Variants in FAM177A1 observed in about 807,000 individuals in gnomAD.
The protein encoded by FAM177A1 is protein FAM177A1.
Under a neutral mutation model 26.1 loss-of-function variants are expected in FAM177A1, and 22 were observed. The ratio of observed to expected loss-of-function variants is 0.84; its 90% CI spans 0.60 to 1.20. FAM177A1 has a LOEUF of 1.20. Ranked by LOEUF, FAM177A1 falls within the 50% of genes most tolerant of loss-of-function variation. The pLI is 0.00. For synonymous variants in FAM177A1, 95 were observed against 99.3 expected (o/e 0.96, Z 0.26); for missense variants, 296 against 291.1 (o/e 1.02, Z -0.12).
At chr14:35,049,179 A>G (rs2044924309) in intron 1 of FAM177A1, among the ~76,000 whole-genome samples, 1 of 152,050 alleles carries the variant, frequency 6.6e-6, no homozygotes, top group African/African-American at 2.4e-5. Flanking sequence ...GGTGTGAGCC[A>G]CCGCACCCGG....
chr14:35,060,618 A>G lies in FAM177A1; in HGVS notation c.339+7167A>G, dbSNP rs561708372. 2.0e-4 allele frequency among the ~76,000 whole-genome samples: 30 copies of G among 152,068 alleles called. No homozygotes were observed. The South Asian group carries it at 3.7e-3, about 19-fold the overall frequency. On this transcript the variant is annotated intron_variant, in intron 2 of 4. Coordinates refer to ENST00000280987, the MANE Select transcript of FAM177A1 (RefSeq NM_173607.5). ...TCTTGTCATTGTTATTTGCCTGTTT[A>G]TTTGTTTAGTGACTGCTGTGTTCTT...
intron 1 of FAM177A1, chr14:35,050,161 C>T (rs76767804): frequency 0.18 from 27,006 of 151,848 alleles, 2,564 homozygotes; most frequent in East Asian, 0.37. Flanking sequence ...CACGCTCCAC[C>T]GCGCCTGGCT....
chr14:35,048,631 G>C (rs146651954), intron 1 of FAM177A1, among the ~76,000 whole-genome samples: 49 of 151,228 alleles, frequency 3.2e-4, no homozygotes, highest in African/African-American at 1.0e-3. Context: ...TCCATTTTCT[G>C]ATTTGCCCTT....
chr14:35,080,946 CAGT>C, intron 4 of FAM177A1, 73 bp from the exon 5 acceptor site: 7 of 1,237,754 alleles, frequency 5.7e-6, no homozygotes, highest in Non-Finnish European at 7.2e-6. Context: ...CATAAGCTGA[CAGT>C]GGGGAAAACA....
At chr14:35,047,464 A>G (rs1595033260) in intron 1 of FAM177A1, among the ~76,000 whole-genome samples, 2 of 152,324 alleles carry the variant, frequency 1.3e-5, no homozygotes, top group East Asian at 1.9e-4. Flanking sequence ...TTAGAGAGTT[A>G]ACGTTTCTTG....
At chr14:35,051,755 T>C (rs966781445) in intron 1 of FAM177A1, among the ~76,000 whole-genome samples, 3 of 152,296 alleles carry the variant, frequency 2.0e-5, no homozygotes, top group East Asian at 3.9e-4. Context: ...TCCTGGCTAA[T>C]GACTAAACTT....
At chr14:35,066,921 G>A (rs1224642639) in intron 2 of FAM177A1, among the ~76,000 whole-genome samples, 4 of 151,108 alleles carry the variant, frequency 2.6e-5, no homozygotes, top group Non-Finnish European at 1.5e-5. Context: ...AGCCTCCCTT[G>A]TAGCTGGGAT....
chr14:35,046,864 G>A, intron 1 of FAM177A1: 4 of 1,326,088 alleles, frequency 3.0e-6, no homozygotes, highest in Non-Finnish European at 3.9e-6. Context: ...GCGGCCTCGG[G>A]TTCCTGGGGT....
chr14:35,060,259 G>T (rs1470330135), intron 2 of FAM177A1, among the ~76,000 whole-genome samples: 2 of 152,204 alleles, frequency 1.3e-5, no homozygotes, highest in Non-Finnish European at 2.9e-5. Flanking sequence ...ACAGGCATGA[G>T]CCACTGCGCC....
rs563671349 is a variant in FAM177A1 at position 35,072,603 on chromosome 14, T to A, written c.340-4547T>A. ...TTTCCCACCATTTGCTTTAGTTTCATTGCCTGTATAGAAGGGTCCATGTTG... is the reference window on the plus strand; with the variant it reads ...TTTCCCACCATTTGCTTTAGTTTCAATGCCTGTATAGAAGGGTCCATGTTG... On this transcript the variant is annotated intron_variant, in intron 2 of 4. Coordinates refer to ENST00000280987, the MANE Select transcript of FAM177A1 (RefSeq NM_173607.5). 6.6e-5 allele frequency among the ~76,000 whole-genome samples: 10 copies of A among 152,314 alleles called. No homozygotes were observed. The East Asian group carries it at 1.7e-3, about 26-fold the overall frequency.
At chr14:35,054,486 T>C (rs940297803) in intron 2 of FAM177A1, among the ~76,000 whole-genome samples, 3 of 152,158 alleles carry the variant, frequency 2.0e-5, no homozygotes, top group Admixed American at 6.6e-5. Flanking sequence ...GCCGGTGATA[T>C]AGCAGTGGGT....
At chr14:35,071,033 G>T (rs557561961) in intron 2 of FAM177A1, among the ~76,000 whole-genome samples, 38 of 148,998 alleles carry the variant, frequency 2.6e-4, no homozygotes, top group African/African-American at 9.2e-4. Context: ...GTCTTGCTCT[G>T]TTGCCCATGC....
intron 1 of FAM177A1, 84 bp downstream of exon 1, chr14:35,046,712 G>T (rs963854261): frequency 2.1e-6 from 3 of 1,447,054 alleles, no homozygotes; most frequent in African/African-American, 2.9e-5. Flanking sequence ...AGCCTGCGCG[G>T]CCGTCCTCCG....
intron 2 of FAM177A1, among the ~76,000 whole-genome samples, chr14:35,068,882 CAG>C (rs921962797): frequency 3.3e-5 from 5 of 152,154 alleles, no homozygotes; most frequent in African/African-American, 1.2e-4. Context: ...GAGAGAGAGA[CAG>C]AGAGAGAAGG....
rs2045010265 is a variant in FAM177A1, at chr14:35,053,464, TTGA to T, written c.339+18_339+20del. The T allele has an allele frequency of 1.2e-6, 2 of 1,612,568 alleles. No individual in the cohort carries two copies. Among genetic ancestry groups the T allele is most frequent in the Middle Eastern group, 1.6e-4 (1 of 6,078 alleles). ...TACTGTTGATCCGGTAGGTTTGATA[TTGA>T]TGATTCTTTCCTCAGTGGGCTTTGT... On this transcript the variant is annotated intron_variant, in intron 2 of 4. Transcript: ENST00000280987.
chr14:35,052,499 G>A (rs1056226980), intron 1 of FAM177A1, among the ~76,000 whole-genome samples: 4 of 152,098 alleles, frequency 2.6e-5, no homozygotes, highest in Non-Finnish European at 1.5e-5. Context: ...ATGAGCCCGC[G>A]CCTGGCCCAA....
intron 1 of FAM177A1, among the ~76,000 whole-genome samples, chr14:35,047,825 A>C (rs1429277955): frequency 6.6e-6 from 1 of 152,108 alleles, no homozygotes; most frequent in Non-Finnish European, 1.5e-5. Context: ...AACTCTTCCC[A>C]TCCTCCATGA....
At chr14:35,063,409 TA>T (rs901426631) in intron 2 of FAM177A1, among the ~76,000 whole-genome samples, 21 of 145,574 alleles carry the variant, frequency 1.4e-4, no homozygotes, top group East Asian at 4.1e-4. Flanking sequence ...CCGTCTCTAC[TA>T]AAAAAAAAAT....
chr14:35,077,321 GT>G, intron 3 of FAM177A1, 105 bp downstream of exon 3: 1 of 980,402 alleles, frequency 1.0e-6, no homozygotes, highest in South Asian at 1.3e-5. Context: ...ACAATAGGGA[GT>G]TAATCACTGT....
Sources: gnomAD v4.1 joint callset for allele counts (sites outside exome capture counted in the v4.1 genomes callset) on GRCh38, gnomAD v4.1.1 for gene constraint, MANE v1.5 for transcripts, NCBI Gene and HGNC (gene_info 2026-07-23, HGNC 2026-07-21) for gene names.